DPP10: variants seen among roughly 807,000 people sequenced by gnomAD.
DPP10 encodes dipeptidyl peptidase like 10.
A neutral mutation model predicts 120.9 loss-of-function variants in DPP10; 33 were observed. That is an observed-to-expected ratio of 0.27 (90% CI 0.21 to 0.37). DPP10 has a LOEUF of 0.37. Among genes scored for constraint, DPP10 ranks in the 10% least tolerant of loss-of-function variants. The probability of loss-of-function intolerance (pLI) is 1.00; values close to 1 mark genes in which losing one functional copy is unlikely to be tolerated. For synonymous variants in DPP10, 337 were observed against 326.1 expected (o/e 1.03, Z -0.36); for missense variants, 816 against 942.8 (o/e 0.87, Z 1.76).
intron 4 of DPP10, 60 bp from the exon 5 acceptor site, chr2:115,525,838 T>C (rs2078099962): frequency 7.8e-7 from 1 of 1,275,566 alleles, no homozygotes; most frequent in South Asian, 1.3e-5. Context: ...TTTACATTTA[T>C]ACATCCAAAT....
intron 1 of DPP10, among the ~76,000 whole-genome samples, chr2:114,837,778 T>C (rs919177018): frequency 6.6e-6 from 1 of 152,184 alleles, no homozygotes; most frequent in Non-Finnish European, 1.5e-5. Flanking sequence ...ATGTTTTGGC[T>C]CTTCATAAAA....
intron 7 of DPP10, among the ~76,000 whole-genome samples, chr2:115,695,257 A>C (rs1398163661): frequency 6.6e-6 from 1 of 152,242 alleles, no homozygotes; most frequent in Non-Finnish European, 1.5e-5. Context: ...GCATAAAGAC[A>C]GCCTCCAACA....
At chr2:115,697,354 G>C (rs1459346599) in intron 7 of DPP10, among the ~76,000 whole-genome samples, 1 of 151,568 alleles carries the variant, frequency 6.6e-6, no homozygotes, top group East Asian at 1.9e-4. Flanking sequence ...TAGATACAAA[G>C]ACACAAATAA....
At chr2:114,952,061 C>T (rs959991724) in intron 1 of DPP10, among the ~76,000 whole-genome samples, 3 of 151,640 alleles carry the variant, frequency 2.0e-5, no homozygotes, top group South Asian at 2.1e-4. Flanking sequence ...CATATAATTT[C>T]GGTGCTAGAA....
chr2:115,738,017 C>T (rs1676786591), intron 8 of DPP10, among the ~76,000 whole-genome samples: 1 of 152,158 alleles, frequency 6.6e-6, no homozygotes, highest in South Asian at 2.1e-4. Flanking sequence ...ATAAAATTAA[C>T]CACATACAGC....
chr2:115,094,563 G>A (rs115641342), intron 1 of DPP10, among the ~76,000 whole-genome samples: 2,465 of 152,190 alleles, frequency 0.016, 52 homozygotes, highest in African/African-American at 0.047. Flanking sequence ...GTTGGGTTAC[G>A]AGCGTCTTGT....
At chr2:115,811,739 AC>A (rs1200383386) in intron 19 of DPP10, among the ~76,000 whole-genome samples, 1 of 152,174 alleles carries the variant, frequency 6.6e-6, no homozygotes, top group Non-Finnish European at 1.5e-5. Flanking sequence ...TGTTGATTGC[AC>A]TTTTTTTATA....
chr2:114,838,678 C>A (rs151187438), intron 1 of DPP10, among the ~76,000 whole-genome samples: 3 of 152,282 alleles, frequency 2.0e-5, no homozygotes, highest in African/African-American at 7.2e-5. Flanking sequence ...CCTCCAATTT[C>A]TCCCTAGGAA....
At chr2:115,725,458 G>T (rs1160078790) in intron 7 of DPP10, among the ~76,000 whole-genome samples, 1 of 152,104 alleles carries the variant, frequency 6.6e-6, no homozygotes, top group Non-Finnish European at 1.5e-5. Flanking sequence ...GCTTTCAGTG[G>T]CATGGCATTA....
chr2:115,583,172 G>A (rs1247715454), intron 5 of DPP10, among the ~76,000 whole-genome samples: 1 of 152,166 alleles, frequency 6.6e-6, no homozygotes, highest in Non-Finnish European at 1.5e-5. Flanking sequence ...CTTCATAGTT[G>A]TCAGGGCTAC....
At chr2:114,880,973 C>G (rs1411769696) in intron 1 of DPP10, among the ~76,000 whole-genome samples, 2 of 152,114 alleles carry the variant, frequency 1.3e-5, no homozygotes, top group Non-Finnish European at 2.9e-5. Context: ...TGTCTTAAGT[C>G]AGTACTTGCT....
Position 115,499,498 on chromosome 2 carries a change from T to C in DPP10, c.272-12T>C, listed in dbSNP as rs369443192. On this transcript the variant is annotated splice_polypyrimidine_tract_variant and intron_variant, in intron 3 of 25. Transcript: ENST00000410059. ...ATGTATTTGTCAATTGTGAATGTCT[T>C]TGTTGTTGCAGATACAGATGTGGTG... The C allele has an allele frequency of 4.9e-5, 78 of 1,603,742 alleles. No homozygotes were observed. Among genetic ancestry groups the C allele is most frequent in the Non-Finnish European group, 6.5e-5 (76 of 1,173,294 alleles).
intron 3 of DPP10, among the ~76,000 whole-genome samples, chr2:115,453,924 C>T (rs1219062308): frequency 6.6e-6 from 1 of 150,962 alleles, no homozygotes; most frequent in Non-Finnish European, 1.5e-5. Flanking sequence ...ATCATTAGGA[C>T]CCTAAAGACA....
chr2:115,774,107 A>C (rs1422692365), intron 13 of DPP10, among the ~76,000 whole-genome samples: 1 of 151,984 alleles, frequency 6.6e-6, no homozygotes, highest in Non-Finnish European at 1.5e-5. Flanking sequence ...GAAGTAAATC[A>C]TATATAATAT....
intron 1 of DPP10, among the ~76,000 whole-genome samples, chr2:115,112,945 G>T (rs1301462926): frequency 1.3e-5 from 2 of 151,930 alleles, no homozygotes; most frequent in Non-Finnish European, 2.9e-5. Flanking sequence ...GTTCACATTT[G>T]GTTCATATGT....
At chr2:114,548,207 T>C (rs1195870373) in intron 1 of DPP10, among the ~76,000 whole-genome samples, 2 of 152,174 alleles carry the variant, frequency 1.3e-5, no homozygotes, top group African/African-American at 2.4e-5. Context: ...ATGATTCATC[T>C]CTATGGAGAA....
At chr2:115,617,899 T>A (rs537101416) in intron 5 of DPP10, among the ~76,000 whole-genome samples, 1 of 152,288 alleles carries the variant, frequency 6.6e-6, no homozygotes, top group East Asian at 1.9e-4. Flanking sequence ...ATAGAACTAT[T>A]GTAACAATAT....
chr2:114,893,568 G>T (rs1300272611), intron 1 of DPP10, among the ~76,000 whole-genome samples: 2 of 152,138 alleles, frequency 1.3e-5, no homozygotes, highest in African/African-American at 4.8e-5. Flanking sequence ...TTTCTTGGCT[G>T]TAGAATAGGA....
intron 5 of DPP10, among the ~76,000 whole-genome samples, chr2:115,573,348 T>A (rs1433035115): frequency 6.8e-6 from 1 of 146,062 alleles, no homozygotes; most frequent in Non-Finnish European, 1.5e-5. Context: ...AGTTGTAGGA[T>A]CTTGGCTCAC....
Sources: allele counts gnomAD v4.1 joint callset (sites outside exome capture counted in the v4.1 genomes callset), GRCh38; gene constraint gnomAD v4.1.1; transcripts MANE v1.5; gene names NCBI Gene and HGNC (gene_info 2026-07-23, HGNC 2026-07-21).